The following FCAMR variants were observed in gnomAD, a reference collection of about 807,000 sequenced individuals.
The protein encoded by FCAMR is Fc alpha and mu receptor.
A neutral mutation model predicts 52.2 loss-of-function variants in FCAMR; 51 were observed. The observed-to-expected ratio is 0.98, with a 90% CI of 0.78 to 1.23. The LOEUF is 1.23. Ranked by LOEUF, FCAMR falls within the 50% of genes most tolerant of loss-of-function variation. The probability of loss-of-function intolerance (pLI) is 0.00; values close to 1 mark genes in which losing one functional copy is unlikely to be tolerated. For synonymous variants in FCAMR, 282 were observed against 262.0 expected (o/e 1.08, Z -0.74); for missense variants, 719 against 712.6 (o/e 1.01, Z -0.10).
intron 4 of FCAMR, among the ~76,000 whole-genome samples, chr1:206,964,069 T>C (rs12145249): frequency 0.29 from 43,960 of 152,020 alleles, 6,704 homozygotes; most frequent in Middle Eastern, 0.46. Context: ...TGGAAGTTCC[T>C]CCTCTTACTT....
rs1680407931 is a variant in FCAMR, at chr1:206,959,542, A to G, written c.1573+137T>C. The stretch of plus-strand genomic sequence containing the variant: ...AGAAAGAAAAGAAACCAAGGCCAAG[A>G]GTGGTTAAATGGCTCAGCCTAGAAT... On this transcript the variant is annotated intron_variant, in intron 7 of 7. Transcript: ENST00000324852. The G allele has an allele frequency of 6.2e-6, 4 of 640,512 alleles. No individual in the cohort carries two copies. The Admixed American group carries it at 9.5e-5, about 15-fold the overall frequency. 39.7% of individuals were successfully genotyped at this position (640,512 alleles called of 1,614,324 possible). A position where few individuals can be genotyped will look rare whatever the true frequency, so the allele number is the denominator to read the frequency against.
At chr1:206,968,433 C>T (rs1330065191) in intron 1 of FCAMR, among the ~76,000 whole-genome samples, 1 of 152,238 alleles carries the variant, frequency 6.6e-6, no homozygotes, top group Non-Finnish European at 1.5e-5. Context: ...TAAAAATCTA[C>T]TCTTTGAATC....
rs375134753 is a variant in FCAMR at position 206,960,786 on chromosome 1, T to C, written c.1090A>G (p.Ile364Val). The change falls in exon 6 of 8, where the codon ATA (isoleucine) becomes GTA (valine). Residue 364 changes from isoleucine to valine, a missense_variant. Transcript: ENST00000324852. Reference protein sequence around the residue: ...RPREDIEGVRIALDAAKKVLG... With the variant: ...RPREDIEGVRVALDAAKKVLG... ...ACCTTTTTGGCTGCATCAAGAGCTA[T>C]CCTGACCCCCTCTATGTCCTCCCTT... 51 of 1,552,304 alleles carry C rather than the reference T, an allele frequency of 3.3e-5. No individual in the cohort carries two copies. The African/African-American group carries it at 6.8e-4, about 21-fold the overall frequency.
rs540593159 is a variant in FCAMR, at chr1:206,969,885, C to G, written c.39+202G>C. Reference sequence around the variant, plus strand: ...CCCAGGACTTCTAAGGAACCATGCACTCTGGTGGGTGTGAGCAGAATAATA... The same window carrying G: ...CCCAGGACTTCTAAGGAACCATGCAGTCTGGTGGGTGTGAGCAGAATAATA... On this transcript the variant is annotated intron_variant, in intron 1 of 7. Transcript: ENST00000324852. Among the ~76,000 whole-genome samples, 4 of 152,284 alleles carry G rather than the reference C, an allele frequency of 2.6e-5. No homozygotes were observed. The South Asian group carries it at 6.2e-4, about 24-fold the overall frequency.
intron 4 of FCAMR, among the ~76,000 whole-genome samples, chr1:206,964,906 A>C (rs1396175685): frequency 6.6e-6 from 1 of 152,226 alleles, no homozygotes; most frequent in Admixed American, 6.5e-5. Context: ...CATTAAGCCA[A>C]GTACCTTCTG....
intron 2 of FCAMR, 128 bp from the exon 3 acceptor site, chr1:206,967,240 A>G (rs1680750337): frequency 2.3e-6 from 2 of 857,428 alleles, no homozygotes; most frequent in African/African-American, 3.4e-5. Flanking sequence ...GGTTGCAGAT[A>G]TCTGAGAGTA....
At chr1:206,966,173 G>A (rs931787322) in intron 3 of FCAMR, among the ~76,000 whole-genome samples, 1 of 152,198 alleles carries the variant, frequency 6.6e-6, no homozygotes, top group South Asian at 2.1e-4. Context: ...AGATTAAAGT[G>A]CTGACCAAAG....
chr1:206,962,087 G>T, intron 5 of FCAMR, 126 bp downstream of exon 5: 2 of 928,076 alleles, frequency 2.2e-6, no homozygotes, highest in Admixed American at 2.7e-5. Context: ...TCTTTGCCTT[G>T]CCCCAGCTTT....
Position 206,960,292 on chromosome 1 carries a change from T to C in FCAMR, c.1454+130A>G. 3 of 956,516 alleles carry C rather than the reference T, an allele frequency of 3.1e-6. No individual in the cohort carries two copies. The South Asian group carries it at 5.5e-5, about 18-fold the overall frequency. 59.3% of individuals were successfully genotyped at this position (956,516 alleles called of 1,614,324 possible). On this transcript the variant is annotated intron_variant, in intron 6 of 7. Transcript: ENST00000324852. ...AAGGCCCCTTGGGTGAGGGAGGGCATCCGATGTGTATGTCACTGTCTTGTG... is the reference window on the plus strand; with the variant it reads ...AAGGCCCCTTGGGTGAGGGAGGGCACCCGATGTGTATGTCACTGTCTTGTG...
In FCAMR at chr1:206,962,426, G is replaced by A; in HGVS notation, c.439C>T (p.Pro147Ser). Reference protein sequence around the residue: ...HQRKYWCRLGPPRWICQTIVS... With the variant: ...HQRKYWCRLGSPRWICQTIVS... ...ATGGTCTGGCAGATCCATCTTGGGG[G>A]CCCCAGACGGCACCAGTACTTCCTC... The change falls in exon 5 of 8, where the codon CCC becomes TCC. Residue 147 changes from proline to serine, a missense_variant. Physicochemically the swap from Pro to Ser is moderately conservative, Grantham distance 74 (BLOSUM62 -1). Transcript: ENST00000324852. 7 of 1,614,118 alleles carry A rather than the reference G, an allele frequency of 4.3e-6. No homozygotes were observed. Among genetic ancestry groups the A allele is most frequent in the Non-Finnish European group, 5.1e-6 (6 of 1,179,990 alleles).
chr1:206,966,157 A>C (rs771154654), intron 3 of FCAMR, among the ~76,000 whole-genome samples: 5 of 152,196 alleles, frequency 3.3e-5, no homozygotes, highest in Admixed American at 6.5e-5. Flanking sequence ...GTATACCTTT[A>C]AATGAAGATT....
At chr1:206,969,367 A>G in intron 1 of FCAMR, 1 of 451,602 alleles carries the variant, frequency 2.2e-6, no homozygotes, top group South Asian at 1.6e-5. Context: ...GGCTGGGAGG[A>G]TAATACTCAA....
Position 206,962,564 on chromosome 1 carries a change from A to G in FCAMR, c.314-13T>C, listed in dbSNP as rs1433503244. 8 of 1,508,326 alleles carry G rather than the reference A, an allele frequency of 5.3e-6. No individual in the cohort carries two copies. Among genetic ancestry groups the G allele is most frequent in the Middle Eastern group, 1.8e-4 (1 of 5,604 alleles). 93.4% of individuals were successfully genotyped at this position (1,508,326 alleles called of 1,614,324 possible). The stretch of plus-strand genomic sequence containing the variant: ...AATGAATTTGGAGCTGCAGACAGAG[A>G]AGGAAGTCAAAGGAGAGGAAGTGGT... On this transcript the variant is annotated splice_polypyrimidine_tract_variant and intron_variant, in intron 4 of 7. Transcript: ENST00000324852.
intron 7 of FCAMR, 70 bp downstream of exon 7, chr1:206,959,609 C>A: frequency 1.6e-6 from 2 of 1,276,834 alleles, no homozygotes; most frequent in Admixed American, 1.7e-5. Context: ...GACTCTACCC[C>A]TACCCAGCCC....
At chr1:206,962,082 G>T in intron 5 of FCAMR, 131 bp downstream of exon 5, 3 of 890,524 alleles carry the variant, frequency 3.4e-6, no homozygotes, top group African/African-American at 1.7e-5. Flanking sequence ...TAAAGTCTTT[G>T]CCTTGCCCCA....
upstream of FCAMR, chr1:206,970,487 T>G: frequency 5.8e-6 from 1 of 171,272 alleles, no homozygotes. Context: ...TCAGACTATT[T>G]AGGGTGCCCC....
intron 3 of FCAMR, among the ~76,000 whole-genome samples, chr1:206,966,648 T>G (rs1558027570): frequency 6.6e-6 from 1 of 152,214 alleles, no homozygotes; most frequent in Non-Finnish European, 1.5e-5. Context: ...CCTCCCAAAG[T>G]GCTGGGAGTA....
At position 206,962,295 on chromosome 1, in the gene FCAMR, C is replaced by G. The variant is rs372119748; in HGVS notation, c.570G>C (p.Pro190=). The G allele has an allele frequency of 6.2e-7, 1 of 1,614,152 alleles. No homozygotes were observed. The highest frequency in any genetic ancestry group is 8.5e-7 in the Non-Finnish European group (1 of 1,180,028). The change falls in exon 5 of 8, where the codon CCG becomes CCC. Residue 190 remains proline (P), a synonymous_variant. Transcript: ENST00000324852. ...CGCAGAGGTAGCATCCGATGTCATC[C>G]GGGGACAGTTGGGACAGCCTCACCA... ...LFVVRLSQLS[P]DDIGCYLCGI...
intron 4 of FCAMR, among the ~76,000 whole-genome samples, chr1:206,964,717 A>G (rs368733935): frequency 1.3e-5 from 2 of 152,114 alleles, no homozygotes; most frequent in East Asian, 3.9e-4. Flanking sequence ...GAGCAAAATT[A>G]CACTTCTTTT....
Sources: allele counts gnomAD v4.1 joint callset (sites outside exome capture counted in the v4.1 genomes callset), GRCh38; gene constraint gnomAD v4.1.1; transcripts MANE v1.5; gene names NCBI Gene and HGNC (gene_info 2026-07-23, HGNC 2026-07-21).